The following CTNNA2 variants were observed in gnomAD, a reference collection of about 807,000 sequenced individuals.
The protein encoded by CTNNA2 is catenin alpha-2.
CTNNA2 carries 42 observed loss-of-function variants against 101.0 expected under a neutral mutation model. The observed-to-expected ratio is 0.42, with a 90% CI of 0.32 to 0.54. The LOEUF is 0.54. Among genes scored for constraint, CTNNA2 ranks in the 20% least tolerant of loss-of-function variants. The probability of loss-of-function intolerance (pLI) is 0.14; values close to 1 mark genes in which losing one functional copy is unlikely to be tolerated. For synonymous variants in CTNNA2, 450 were observed against 456.4 expected, an observed-to-expected ratio of 0.99 and a Z score of 0.18; for missense variants, 871 against 1,223.1, an observed-to-expected ratio of 0.71 and a Z score of 4.29.
intron 7 of CTNNA2, among the ~76,000 whole-genome samples, chr2:80,147,904 T>G (rs370118650): frequency 3.9e-5 from 6 of 152,296 alleles, no homozygotes; most frequent in African/African-American, 1.4e-4. Flanking sequence ...TTAGAGCGGA[T>G]GTACAGGGGA....
intron 4 of CTNNA2, among the ~76,000 whole-genome samples, chr2:79,399,255 A>C (rs999365365): frequency 6.6e-6 from 1 of 152,134 alleles, no homozygotes; most frequent in Non-Finnish European, 1.5e-5. Context: ...AAATATCCAT[A>C]GGAAACTTTG....
At chr2:80,484,881 C>T (rs1259677931) in intron 9 of CTNNA2, among the ~76,000 whole-genome samples, 2 of 152,082 alleles carry the variant, frequency 1.3e-5, no homozygotes, top group Admixed American at 1.3e-4. Flanking sequence ...TGGTGGGCAC[C>T]TGTAGTCCCA....
chr2:79,763,832 G>A (rs1672961064), intron 3 of CTNNA2, among the ~76,000 whole-genome samples: 1 of 152,186 alleles, frequency 6.6e-6, no homozygotes, highest in African/African-American at 2.4e-5. Flanking sequence ...AAGAGGACTA[G>A]GACATAGATT....
intron 7 of CTNNA2, among the ~76,000 whole-genome samples, chr2:80,287,786 G>A (rs1040871685): frequency 4.0e-5 from 6 of 151,464 alleles, no homozygotes; most frequent in South Asian, 2.1e-4. Flanking sequence ...GAGCCCTAAC[G>A]GCTGACAAAC....
chr2:80,610,590 A>C (rs1698382047), intron 17 of CTNNA2, among the ~76,000 whole-genome samples: 1 of 151,746 alleles, frequency 6.6e-6, no homozygotes, highest in African/African-American at 2.4e-5. Flanking sequence ...CAGGAAAGTT[A>C]CATTTGTTAG....
At chr2:79,543,409 A>G (rs967532169) in intron 1 of CTNNA2, among the ~76,000 whole-genome samples, 1 of 152,228 alleles carries the variant, frequency 6.6e-6, no homozygotes, top group Non-Finnish European at 1.5e-5. Flanking sequence ...GAAGATTAAT[A>G]TGTAAATTTA....
At chr2:79,967,395 A>G (rs984939673) in intron 7 of CTNNA2, among the ~76,000 whole-genome samples, 2 of 152,058 alleles carry the variant, frequency 1.3e-5, no homozygotes, top group Admixed American at 1.3e-4. Flanking sequence ...AAAAGGTCTC[A>G]ATCTCTACAG....
chr2:80,554,590 G>A (rs1692861714), intron 11 of CTNNA2, among the ~76,000 whole-genome samples: 1 of 152,042 alleles, frequency 6.6e-6, no homozygotes, highest in Non-Finnish European at 1.5e-5. Flanking sequence ...GAAAGAGGGA[G>A]GGATCTCTGA....
chr2:79,436,910 C>A (rs62156996), intron 4 of CTNNA2, among the ~76,000 whole-genome samples: 2 of 151,346 alleles, frequency 1.3e-5, no homozygotes, highest in Non-Finnish European at 2.9e-5. Flanking sequence ...GGATTACAGG[C>A]GTGAGCCACC....
chr2:80,232,339 TTG>T lies in CTNNA2; in HGVS notation c.1057-160870_1057-160869del, dbSNP rs1294256514. ...ATTTGGGTTTTGTTTGTTTGTTTGT[TTG>T]TTTGTTTTTTTTTTTTTTTTTTTTT... On this transcript the variant is annotated intron_variant, in intron 7 of 18. Coordinates refer to ENST00000402739, the MANE Select transcript of CTNNA2 (RefSeq NM_001282597.3). Among the ~76,000 whole-genome samples, 522 of 68,076 alleles carry T rather than the reference TTG, an allele frequency of 7.7e-3. 6 individuals carry two copies. Among genetic ancestry groups the T allele is most frequent in the African/African-American group, 0.046 (484 of 10,606 alleles). 44.7% of individuals were successfully genotyped at this position (68,076 alleles called of 152,430 possible).
chr2:79,205,743 A>T (rs886849130), intron 2 of CTNNA2, among the ~76,000 whole-genome samples: 1 of 152,216 alleles, frequency 6.6e-6, no homozygotes, highest in African/African-American at 2.4e-5. Flanking sequence ...CTAGTGGGAA[A>T]GGTCAATGAA....
At chr2:79,823,367 C>A (rs1678169083) in intron 3 of CTNNA2, among the ~76,000 whole-genome samples, 1 of 152,056 alleles carries the variant, frequency 6.6e-6, no homozygotes, top group Non-Finnish European at 1.5e-5. Context: ...AGAGACAGAA[C>A]CATAATCGTG....
intron 7 of CTNNA2, among the ~76,000 whole-genome samples, chr2:80,222,142 G>A (rs933859033): frequency 8.5e-5 from 13 of 152,208 alleles, no homozygotes; most frequent in African/African-American, 3.1e-4. Context: ...TAGGAGTCAG[G>A]ATGAAAAGCA....
chr2:79,589,080 T>G (rs932625503), intron 1 of CTNNA2, among the ~76,000 whole-genome samples: 3 of 152,226 alleles, frequency 2.0e-5, no homozygotes, highest in African/African-American at 7.2e-5. Flanking sequence ...TCTGTGTTAT[T>G]AGCTGTACAC....
intron 2 of CTNNA2, among the ~76,000 whole-genome samples, chr2:79,698,576 G>T (rs1684792058): frequency 6.6e-6 from 1 of 152,048 alleles, no homozygotes; most frequent in African/African-American, 2.4e-5. Context: ...AACTAAGTTT[G>T]CCCCTCTTCA....
intron 9 of CTNNA2, among the ~76,000 whole-genome samples, chr2:80,494,309 G>C (rs1026865947): frequency 6.6e-6 from 1 of 152,174 alleles, no homozygotes; most frequent in African/African-American, 2.4e-5. Flanking sequence ...TCACTGGACA[G>C]GAAGCACACA....
At chr2:79,561,529 T>C (rs1387383378) in intron 1 of CTNNA2, among the ~76,000 whole-genome samples, 2 of 151,982 alleles carry the variant, frequency 1.3e-5, no homozygotes, top group African/African-American at 4.8e-5. Flanking sequence ...CTAATACTAC[T>C]GCACCATTTT....
At chr2:80,171,733 G>A (rs557030958) in intron 7 of CTNNA2, among the ~76,000 whole-genome samples, 110 of 152,238 alleles carry the variant, frequency 7.2e-4, no homozygotes, top group African/African-American at 2.5e-3. Context: ...CACACATCAC[G>A]TCAACCCATA....
chr2:80,032,527 A>G (rs1695357510), intron 7 of CTNNA2, among the ~76,000 whole-genome samples: 1 of 152,046 alleles, frequency 6.6e-6, no homozygotes, highest in Admixed American at 6.6e-5. Flanking sequence ...TTGATTAAAC[A>G]CACACACACA....
Sources: gnomAD v4.1 joint callset for allele counts (sites outside exome capture counted in the v4.1 genomes callset) on GRCh38, gnomAD v4.1.1 for gene constraint, MANE v1.5 for transcripts, NCBI Gene and HGNC (gene_info 2026-07-23, HGNC 2026-07-21) for gene names.